Variants in FAM193B observed in about 807,000 individuals in gnomAD.
The protein encoded by FAM193B is protein FAM193B.
FAM193B carries 27 observed loss-of-function variants against 70.7 expected under a neutral mutation model. That is an observed-to-expected ratio of 0.38 (90% confidence interval 0.28 to 0.53). The LOEUF is 0.53. FAM193B is among the 20% of genes least tolerant of loss of function. The pLI is 0.81. For missense variants in FAM193B, 1,022 were observed against 1,072.5 expected (o/e 0.95, Z 0.66); for synonymous variants, 448 against 436.0 (o/e 1.03, Z -0.34).
At chr5:177,544,158 GA>G (rs1280041862) in intron 1 of FAM193B, among the ~76,000 whole-genome samples, 1 of 152,228 alleles carries the variant, frequency 6.6e-6, no homozygotes, top group African/African-American at 2.4e-5. Flanking sequence ...TGGAGAGTGT[GA>G]GATTACTCAC....
intron 7 of FAM193B, among the ~76,000 whole-genome samples, chr5:177,522,396 AG>A (rs1257405431): frequency 1.3e-5 from 2 of 152,218 alleles, no homozygotes; most frequent in Admixed American, 6.5e-5. Context: ...GCTGGGGATT[AG>A]TTACCCAGAT....
At chr5:177,531,152 C>T in intron 5 of FAM193B, 2 of 1,012,412 alleles carry the variant, frequency 2.0e-6, no homozygotes, top group Non-Finnish European at 2.6e-6. Context: ...CTCATTCAGA[C>T]CTTCCCAGAA....
At chr5:177,547,574 G>A (rs923288268) in intron 1 of FAM193B, among the ~76,000 whole-genome samples, 48 of 152,076 alleles carry the variant, frequency 3.2e-4, no homozygotes, top group Middle Eastern at 6.8e-3. Context: ...GTGAGCCACC[G>A]CGCCCGGCCC....
In FAM193B at chr5:177,525,225, T is replaced by C. The variant is rs1441583899; in HGVS notation, c.1276-20A>G. On this transcript the variant is annotated intron_variant, in intron 5 of 8. Transcript: ENST00000514747. Reference sequence around the variant, plus strand: ...CTTTTCCTGCCAAGGCAAGAGGCAGTTTTAGCAGGAGGCTGTCAACTGCCA... The same window carrying C: ...CTTTTCCTGCCAAGGCAAGAGGCAGCTTTAGCAGGAGGCTGTCAACTGCCA... The C allele has an allele frequency of 6.9e-7, 1 of 1,440,206 alleles. No homozygotes were observed. Among genetic ancestry groups the C allele is most frequent in the Non-Finnish European group, 9.2e-7 (1 of 1,091,922 alleles). 89.2% of individuals were successfully genotyped at this position (1,440,206 alleles called of 1,614,324 possible).
Position 177,554,275 on chromosome 5 carries a change from C to G in FAM193B, c.184G>C (p.Glu62Gln). The change falls in exon 1 of 9, where the codon GAA (glutamate) becomes CAA (glutamine). Residue 62 changes from glutamate (E) to glutamine (Q), a missense_variant. Transcript: ENST00000514747. ...PDHDGPREDDEPNLVPGPQVP... is the reference protein window; with the variant it reads ...PDHDGPREDDQPNLVPGPQVP... ...TGCGGGCCGGGCACCAGGTTGGGTT[C>G]GTCATCCTCCCTGGGGCCGTCGTGG... 3 of 1,470,404 alleles carry G rather than the reference C, an allele frequency of 2.0e-6. No individual in the cohort carries two copies. The highest frequency in any genetic ancestry group is 1.3e-5 in the South Asian group (1 of 77,250). The allele number at this position is 1,470,404 out of a possible 1,614,324, so 91.1% of individuals were successfully genotyped here.
At chr5:177,536,859 C>G in intron 3 of FAM193B, 114 bp from the exon 4 acceptor site, 8 of 1,353,412 alleles carry the variant, frequency 5.9e-6, no homozygotes, top group Non-Finnish European at 7.9e-6. Flanking sequence ...CACAGCCTCT[C>G]AGCACAGGGG....
chr5:177,531,282 CT>C, intron 5 of FAM193B: 1 of 1,311,740 alleles, frequency 7.6e-7, no homozygotes, highest in Non-Finnish European at 1.0e-6. Flanking sequence ...CTACACCCAC[CT>C]TCTTTTTCAG....
rs139455162 is a variant in FAM193B at position 177,542,771 on chromosome 5, C to A, written c.211-3624G>T. ...TCCTCTCCCATCTCCTCCTAGTACA[C>A]TGTGCCTTGGTTACAGTAGTTGTGT... On this transcript the variant is annotated intron_variant, in intron 1 of 8. Coordinates refer to ENST00000514747, the MANE Select transcript of FAM193B (RefSeq NM_001190946.3). 2.6e-5 allele frequency among the ~76,000 whole-genome samples: 4 copies of A among 152,360 alleles called. No individual in the cohort carries two copies. The East Asian group carries it at 7.7e-4, about 29-fold the overall frequency.
At chr5:177,539,258 A>G in intron 1 of FAM193B, 111 bp from the exon 2 acceptor site, 2 of 1,310,630 alleles carry the variant, frequency 1.5e-6, no homozygotes, top group African/African-American at 1.5e-5. Flanking sequence ...TGGGTTAGGC[A>G]CTTTTTAGAC....
chr5:177,544,236 C>T (rs770836142), intron 1 of FAM193B, among the ~76,000 whole-genome samples: 2 of 152,222 alleles, frequency 1.3e-5, no homozygotes, highest in Non-Finnish European at 2.9e-5. Context: ...TCTAGGTGCA[C>T]TCTAGGGCCT....
rs1283812673 is a variant in FAM193B at position 177,554,127 on chromosome 5, CG to C, written c.210+121del. 17 of 1,413,546 alleles carry C rather than the reference CG, an allele frequency of 1.2e-5. No individual in the cohort carries two copies. The East Asian group carries it at 4.0e-4, about 34-fold the overall frequency. 87.6% of individuals were successfully genotyped at this position (1,413,546 alleles called of 1,614,324 possible). On this transcript the variant is annotated intron_variant, in intron 1 of 8. Transcript: ENST00000514747. Reference sequence around the variant, plus strand: ...GGGGAGAAAGCTTCGGCGCCGGACCCGGGGGAAGGCTGCTACCCCAGCCGCG... The same window carrying C: ...GGGGAGAAAGCTTCGGCGCCGGACCCGGGGAAGGCTGCTACCCCAGCCGCG...
At chr5:177,523,158 C>T (rs1378059449) in intron 7 of FAM193B, 2 of 338,052 alleles carry the variant, frequency 5.9e-6, no homozygotes, top group Non-Finnish European at 1.2e-5. Context: ...TGCCACCATA[C>T]CTGCCTTATT....
chr5:177,524,922 A>G lies in FAM193B; in HGVS notation c.1559T>C (p.Leu520Pro). Residue 520 changes from leucine (L) to proline (P), a missense_variant, in exon 6 of 9, where the codon CTC (leucine) becomes CCC (proline). Physicochemically the swap from Leu to Pro is moderately conservative, Grantham distance 98. Coordinates refer to ENST00000514747, the MANE Select transcript of FAM193B (RefSeq NM_001190946.3). ...AGGCTGCTGCTCTGAGGAGCCACTG[A>G]GGTTTGAGGGGGGTAGACTCTGAGG... ...PEPQSLPPSN[L>P]SGSSEQQPDI... 1 of 1,505,470 alleles carries G rather than the reference A, an allele frequency of 6.6e-7. No homozygotes were observed. Among genetic ancestry groups the G allele is most frequent in the Middle Eastern group, 1.8e-4 (1 of 5,560 alleles). 93.3% of individuals were successfully genotyped at this position (1,505,470 alleles called of 1,614,324 possible). A position where few individuals can be genotyped will look rare whatever the true frequency, so the allele number is the denominator to read the frequency against.
Position 177,536,660 on chromosome 5 carries a change from T to G in FAM193B, c.774A>C (p.Pro258=), listed in dbSNP as rs1322886047. 2 of 1,560,782 alleles carry G rather than the reference T, an allele frequency of 1.3e-6. No homozygotes were observed. The highest frequency in any genetic ancestry group is 1.7e-6 in the Non-Finnish European group (2 of 1,159,070). ...PNSPTGHHPQ[P]ASLIPSHPSS... is the part of the protein sequence containing the mutation. The stretch of plus-strand genomic sequence containing the variant: ...TGGGGTGAGACGGGATTAGAGATGC[T>G]GGCTGCGGGTGGTGGCCGGTGGGGC... The change falls in exon 4 of 9, where the codon CCA becomes CCC. Residue 258 remains proline (P), a synonymous_variant. Coordinates refer to ENST00000514747, the MANE Select transcript of FAM193B (RefSeq NM_001190946.3).
intron 5 of FAM193B, among the ~76,000 whole-genome samples, chr5:177,526,889 A>T (rs1258248324): frequency 1.3e-5 from 2 of 152,208 alleles, no homozygotes; most frequent in East Asian, 3.9e-4. Flanking sequence ...CTGTGAGTTT[A>T]GCGTACGTGA....
At chr5:177,549,534 GA>G (rs891768058) in intron 1 of FAM193B, among the ~76,000 whole-genome samples, 1 of 152,232 alleles carries the variant, frequency 6.6e-6, no homozygotes, top group African/African-American at 2.4e-5. Flanking sequence ...CCAAGAGGCT[GA>G]AACACTTGCA....
chr5:177,537,820 C>A, intron 3 of FAM193B, 53 bp downstream of exon 3: 1 of 1,541,154 alleles, frequency 6.5e-7, no homozygotes, highest in Non-Finnish European at 8.7e-7. Context: ...GATAGGAAAA[C>A]ACAGCTGTCC....
chr5:177,553,895 G>A (rs62398470), intron 1 of FAM193B: 7 of 1,231,664 alleles, frequency 5.7e-6, no homozygotes, highest in Non-Finnish European at 5.2e-6. Flanking sequence ...GTGGCTGAGG[G>A]AGCAGGTGGG....
intron 1 of FAM193B, chr5:177,553,904 G>A: frequency 1.6e-6 from 2 of 1,218,326 alleles, no homozygotes; most frequent in Non-Finnish European, 1.0e-6. Flanking sequence ...GGAGCAGGTG[G>A]GCCCGGGGGA....
Sources: gnomAD v4.1 joint callset for allele counts (sites outside exome capture counted in the v4.1 genomes callset) on GRCh38, gnomAD v4.1.1 for gene constraint, MANE v1.5 for transcripts, NCBI Gene and HGNC (gene_info 2026-07-23, HGNC 2026-07-21) for gene names.